DHDH: variants seen among roughly 807,000 people sequenced by gnomAD.
DHDH encodes dihydrodiol dehydrogenase.
Under a neutral mutation model 33.2 loss-of-function variants are expected in DHDH, and 29 were observed. The ratio of observed to expected loss-of-function variants is 0.87; its 90% CI spans 0.65 to 1.19. DHDH has a LOEUF of 1.19. Among genes scored for constraint, DHDH ranks in the 50% most tolerant of loss-of-function variants. The pLI, the probability that DHDH is intolerant of heterozygous loss-of-function variation, is 0.00. For missense variants in DHDH, 431 were observed against 455.0 expected, an observed-to-expected ratio of 0.95 and a Z score of 0.48; for synonymous variants, 201 against 187.9, an observed-to-expected ratio of 1.07 and a Z score of -0.57.
rs112371236 is a variant in DHDH at position 48,943,099 on chromosome 19, C to G, written c.744+535C>G. Among the ~76,000 whole-genome samples, 856 of 149,732 alleles carry G rather than the reference C, an allele frequency of 5.7e-3. 10 individuals are homozygous for G. Among genetic ancestry groups the G allele is most frequent in the African/African-American group, 0.02 (810 of 40,824 alleles). On this transcript the variant is annotated intron_variant, in intron 5 of 6. Transcript: ENST00000221403. The stretch of plus-strand genomic sequence containing the variant: ...ATATATATGTATCCTTGGGCCTGGC[C>G]GGCACGGTGGTCACACCTATAATCC...
intron 2 of DHDH, 37 bp from the exon 3 acceptor site, chr19:48,935,995 G>A (rs773985590): frequency 1.3e-6 from 2 of 1,562,910 alleles, no homozygotes; most frequent in Non-Finnish European, 1.7e-6. Flanking sequence ...GTCTGGGTGG[G>A]CGGGGCTGCT....
Position 48,944,454 on chromosome 19 carries a change from A to G in DHDH, c.842A>G (p.Asn281Ser). ...PPVPKDCNFD[N>S]GAGMSYEAKH... ...GTCCCAAAGGACTGCAATTTTGACA[A>G]CGGGGCAGGCATGAGTTATGAGGCC... The change falls in exon 6 of 7, where the codon AAC becomes AGC. Residue 281 changes from asparagine to serine, a missense_variant. By Grantham distance (46) the Asn-to-Ser change is conservative (BLOSUM62 1). Coordinates refer to ENST00000221403, the MANE Select transcript of DHDH (RefSeq NM_014475.4). 1 of 1,613,922 alleles carries G rather than the reference A, an allele frequency of 6.2e-7. No homozygotes were observed. The highest frequency in any genetic ancestry group is 8.5e-7 in the Non-Finnish European group (1 of 1,179,880).
At position 48,939,346 on chromosome 19, in the gene DHDH, T is replaced by C. The variant is rs757140784; in HGVS notation, c.367-103T>C. The C allele has an allele frequency of 2.9e-6, 4 of 1,359,292 alleles. No homozygotes were observed. The African/African-American group carries it at 4.4e-5, about 15-fold the overall frequency. The allele number at this position is 1,359,292 out of a possible 1,614,324, so 84.2% of individuals were successfully genotyped here. On this transcript the variant is annotated intron_variant, in intron 3 of 6. Transcript: ENST00000221403. ...AAGAGGGATACAACCTGGGGACTGA[T>C]GGGCTGTGTTTGGAGACTGGGTTGC...
intron 3 of DHDH, among the ~76,000 whole-genome samples, chr19:48,938,770 C>G (rs149337461): frequency 6.6e-6 from 1 of 151,976 alleles, no homozygotes; most frequent in African/African-American, 2.4e-5. Flanking sequence ...CTCAGCTTCC[C>G]GAGTAGCTGG....
chr19:48,936,317 C>A, intron 3 of DHDH, 122 bp downstream of exon 3: 1 of 1,306,116 alleles, frequency 7.7e-7, no homozygotes, highest in Non-Finnish European at 1.0e-6. Context: ...TTGGCAGCAT[C>A]TATTACCGTG....
Position 48,938,931 on chromosome 19 carries a change from T to C in DHDH, c.367-518T>C, listed in dbSNP as rs929211884. On this transcript the variant is annotated intron_variant, in intron 3 of 6. Coordinates refer to ENST00000221403, the MANE Select transcript of DHDH (RefSeq NM_014475.4). ...TGCCCACTGTGGACTCGCAAAGTGC[T>C]GGGATTACAGGCGTGAGCCACCGTG... Among the ~76,000 whole-genome samples, 4 of 152,186 alleles carry C rather than the reference T, an allele frequency of 2.6e-5. No homozygotes were observed. The South Asian group carries it at 8.3e-4, about 31-fold the overall frequency.
rs780781090 is a variant in DHDH at position 48,944,523 on chromosome 19, C to A, written c.895+16C>A. On this transcript the variant is annotated intron_variant, in intron 6 of 6. Coordinates refer to ENST00000221403, the MANE Select transcript of DHDH (RefSeq NM_014475.4). Reference sequence around the variant, plus strand: ...CTACGCAAGGGTAAGGATATGGATGCGGGGCAGGCGCCAGGCCTGGTAGGG... The same window carrying A: ...CTACGCAAGGGTAAGGATATGGATGAGGGGCAGGCGCCAGGCCTGGTAGGG... 2 of 1,576,328 alleles carry A rather than the reference C, an allele frequency of 1.3e-6. No individual in the cohort carries two copies. Among genetic ancestry groups the A allele is most frequent in the Non-Finnish European group, 1.7e-6 (2 of 1,156,762 alleles).
Position 48,936,099 on chromosome 19 carries a change from C to T in DHDH, c.270C>T (p.Gly90=). 6.2e-7 allele frequency: 1 copy of T among 1,611,378 alleles called. No individual in the cohort carries two copies. ...CGGTGATGCTGTGCTTGGCGGCGGG[C>T]AAGGCCGTTCTGTGCGAGAAGCCCA... ...KAAVMLCLAA[G]KAVLCEKPTG... is the part of the protein sequence containing the mutation. The change falls in exon 3 of 7, where the codon GGC becomes GGT. Residue 90 remains glycine (G), a synonymous_variant. Coordinates refer to ENST00000221403, the MANE Select transcript of DHDH (RefSeq NM_014475.4).
Position 48,939,603 on chromosome 19 carries a change from T to TG in DHDH, c.522dup (p.Leu175AlafsTer31). 6.2e-7 allele frequency: 1 copy of TG among 1,614,064 alleles called. No individual in the cohort carries two copies. On this transcript the variant is annotated frameshift_variant, in exon 4 of 7. Coordinates refer to ENST00000221403, the MANE Select transcript of DHDH (RefSeq NM_014475.4). LOFTEE classifies it high-confidence loss of function. The stretch of plus-strand genomic sequence containing the variant: ...GACCGGGCCCAGGCTGGGGGGGCCC[T>TG]GCTGGACATCGGCATCTACTGTGTC...
chr19:48,944,485 C>T lies in DHDH; in HGVS notation c.873C>T (p.His291=), dbSNP rs377571592. Residue 291 remains histidine, a synonymous_variant, in exon 6 of 7, where the codon CAC becomes CAT. Coordinates refer to ENST00000221403, the MANE Select transcript of DHDH (RefSeq NM_014475.4). ...CAGGCATGAGTTATGAGGCCAAGCACGTCTGGGAGTGCCTACGCAAGGGTA... is the reference window on the plus strand; with the variant it reads ...CAGGCATGAGTTATGAGGCCAAGCATGTCTGGGAGTGCCTACGCAAGGGTA... The part of the protein sequence containing the change: ...NGAGMSYEAK[H]VWECLRKGMK... 15 of 1,607,944 alleles carry T rather than the reference C, an allele frequency of 9.3e-6. No individual in the cohort carries two copies. Among genetic ancestry groups the T allele is most frequent in the Non-Finnish European group, 1.1e-5 (13 of 1,176,004 alleles).
intron 3 of DHDH, among the ~76,000 whole-genome samples, chr19:48,937,811 TAAAAAAAAA>T (rs539240060): frequency 3.9e-5 from 5 of 127,242 alleles, no homozygotes; most frequent in African/African-American, 2.8e-5. Context: ...AGACTGTCTT[TAAAAAAAAA>T]AAAAAAAAAA....
chr19:48,936,334 A>T, intron 3 of DHDH, 139 bp downstream of exon 3: 1 of 1,219,402 alleles, frequency 8.2e-7, no homozygotes, highest in Non-Finnish European at 1.1e-6. Flanking sequence ...CGTGAAAGCC[A>T]TTGCTTTTGG....
At chr19:48,936,345 C>A (rs1257656695) in intron 3 of DHDH, 150 bp downstream of exon 3, 2 of 1,155,128 alleles carry the variant, frequency 1.7e-6, no homozygotes, top group African/African-American at 1.6e-5. Context: ...TTGCTTTTGG[C>A]CCTTAGCAAA....
chr19:48,939,371 C>A, intron 3 of DHDH, 78 bp from the exon 4 acceptor site: 1 of 1,500,186 alleles, frequency 6.7e-7, no homozygotes, highest in Non-Finnish European at 9.0e-7. Flanking sequence ...GACTGGGTTG[C>A]AGTGGGTATC....
chr19:48,933,634 G>A (rs538360841), upstream of DHDH: 10 of 1,284,846 alleles, frequency 7.8e-6, no homozygotes, highest in African/African-American at 1.5e-4. Context: ...GGCGGAGGAT[G>A]GGGACCCGCC....
rs371485026 is a variant in DHDH, at chr19:48,933,730, G to T, written c.9G>T (p.Leu3=). Residue 3 remains leucine (L), a synonymous_variant, in exon 1 of 7, where the codon CTG becomes CTT. Coordinates refer to ENST00000221403, the MANE Select transcript of DHDH (RefSeq NM_014475.4). The stretch of plus-strand genomic sequence containing the variant: ...GGCTCCGCATCGCAACCATGGCGCT[G>T]CGCTGGGGCATCGTGTCTGTCGGCC... MA[L]RWGIVSVGLI... is the part of the protein sequence containing the mutation. 3 of 1,613,408 alleles carry T rather than the reference G, an allele frequency of 1.9e-6. No individual in the cohort carries two copies. The highest frequency in any genetic ancestry group is 2.7e-5 in the African/African-American group (2 of 75,068).
upstream of DHDH, among the ~76,000 whole-genome samples, chr19:48,933,245 G>A (rs1053221342): frequency 6.6e-6 from 1 of 152,124 alleles, no homozygotes; most frequent in Non-Finnish European, 1.5e-5. Flanking sequence ...GTCTACAGGT[G>A]CTCTATACAT....
In DHDH at chr19:48,933,727, G is replaced by A; in HGVS notation, c.6G>A (p.Ala2=). The change falls in exon 1 of 7, where the codon GCG becomes GCA. Residue 2 remains alanine (A), a synonymous_variant. Coordinates refer to ENST00000221403, the MANE Select transcript of DHDH (RefSeq NM_014475.4). The part of the protein sequence containing the change: M[A]LRWGIVSVGL... ...GAGGGCTCCGCATCGCAACCATGGC[G>A]CTGCGCTGGGGCATCGTGTCTGTCG... 2 of 1,613,340 alleles carry A rather than the reference G, an allele frequency of 1.2e-6. No individual in the cohort carries two copies.
Position 48,942,577 on chromosome 19 carries a change from G to A in DHDH, c.744+13G>A, listed in dbSNP as rs749887586. ...GGGCATGGTACAGGTGAGGCATGGC[G>A]GGCCCAAGCGCTGGGGATCGTGCCC... On this transcript the variant is annotated intron_variant, in intron 5 of 6. Transcript: ENST00000221403. The A allele has an allele frequency of 5.0e-5, 81 of 1,607,166 alleles. No individual in the cohort carries two copies. Among genetic ancestry groups the A allele is most frequent in the Non-Finnish European group, 6.4e-5 (75 of 1,175,078 alleles).
Sources: allele counts gnomAD v4.1 joint callset (sites outside exome capture counted in the v4.1 genomes callset), GRCh38; gene constraint gnomAD v4.1.1; transcripts MANE v1.5; gene names NCBI Gene and HGNC (gene_info 2026-07-23, HGNC 2026-07-21).